MARCHF1: variants seen among roughly 807,000 people sequenced by gnomAD.
MARCHF1 encodes the protein membrane associated ring-CH-type finger 1, also known as E3 ubiquitin-protein ligase MARCHF1.
MARCHF1 carries 40 observed loss-of-function variants against 54.2 expected under a neutral mutation model. That is an observed-to-expected ratio of 0.74 (90% confidence interval 0.57 to 0.96). The LOEUF is 0.96. MARCHF1 is among the 40% of genes least tolerant of loss of function. The pLI is 0.00. For synonymous variants in MARCHF1, 236 were observed against 236.3 expected (o/e 1.00, Z 0.01); for missense variants, 586 against 656.5 (o/e 0.89, Z 1.17).
intron 2 of MARCHF1, among the ~76,000 whole-genome samples, chr4:164,017,211 C>A (rs939568783): frequency 2.6e-5 from 4 of 151,964 alleles, no homozygotes; most frequent in African/African-American, 9.7e-5. Flanking sequence ...TGAAAAACAT[C>A]ACACTTAATG....
At chr4:164,054,181 C>CCAT (rs1230074289) in intron 2 of MARCHF1, among the ~76,000 whole-genome samples, 3 of 151,526 alleles carry the variant, frequency 2.0e-5, no homozygotes, top group African/African-American at 7.3e-5. Flanking sequence ...AAAATGCTCA[C>CCAT]CATCACTGGC....
At chr4:164,066,180 GAA>G (rs34734390) in intron 2 of MARCHF1, among the ~76,000 whole-genome samples, 2,104 of 151,118 alleles carry the variant, frequency 0.014, 30 homozygotes, top group African/African-American at 0.044. Context: ...AAACTTGCAA[GAA>G]AAAAAAAACT....
chr4:164,140,651 C>G (rs998503303), intron 1 of MARCHF1, among the ~76,000 whole-genome samples: 2 of 152,170 alleles, frequency 1.3e-5, no homozygotes, highest in Admixed American at 6.5e-5. Flanking sequence ...CAGCACCCAA[C>G]TAAAGTCTTC....
At chr4:164,316,983 T>C (rs1054283275) in intron 1 of MARCHF1, among the ~76,000 whole-genome samples, 2 of 152,190 alleles carry the variant, frequency 1.3e-5, no homozygotes, top group Admixed American at 1.3e-4. Context: ...ATGAGCCAAT[T>C]AAGCCTCTTT....
chr4:164,369,186 C>T (rs550214906), intron 1 of MARCHF1, among the ~76,000 whole-genome samples: 177 of 152,258 alleles, frequency 1.2e-3, no homozygotes, highest in African/African-American at 4.1e-3. Context: ...CACGGCCAGA[C>T]GCTTCCCACT....
intron 5 of MARCHF1, among the ~76,000 whole-genome samples, chr4:163,632,933 C>T (rs1579134524): frequency 6.6e-6 from 1 of 152,102 alleles, no homozygotes; most frequent in African/African-American, 2.4e-5. Flanking sequence ...AAGTGGGTAC[C>T]TGACCCCTGA....
At chr4:164,247,763 T>A (rs2111234133) in intron 1 of MARCHF1, among the ~76,000 whole-genome samples, 1 of 150,094 alleles carries the variant, frequency 6.7e-6, no homozygotes, top group East Asian at 2.0e-4. Flanking sequence ...GTAACTGAGA[T>A]CTTATCCAAC....
intron 1 of MARCHF1, among the ~76,000 whole-genome samples, chr4:164,319,934 A>C (rs543242650): frequency 1.3e-5 from 2 of 152,308 alleles, no homozygotes; most frequent in Non-Finnish European, 2.9e-5. Context: ...AAGCCCAAGC[A>C]GTTTATGGTA....
At chr4:163,873,199 CTG>C (rs1750216368) in intron 3 of MARCHF1, among the ~76,000 whole-genome samples, 1 of 152,200 alleles carries the variant, frequency 6.6e-6, no homozygotes, top group South Asian at 2.1e-4. Flanking sequence ...ACTGGTAAAA[CTG>C]GAGCCTAAGT....
intron 5 of MARCHF1, among the ~76,000 whole-genome samples, chr4:163,696,027 T>C (rs972307084): frequency 6.6e-6 from 1 of 152,112 alleles, no homozygotes; most frequent in African/African-American, 2.4e-5. Flanking sequence ...ATATAACTTA[T>C]CTGTAGCTTT....
At chr4:163,708,822 G>A (rs979661184) in intron 4 of MARCHF1, among the ~76,000 whole-genome samples, 2 of 152,106 alleles carry the variant, frequency 1.3e-5, no homozygotes, top group African/African-American at 4.8e-5. Flanking sequence ...GAAAAGAGAG[G>A]AGATGGAGGG....
rs143182375 is a variant in MARCHF1, at chr4:164,037,657, C to T, written c.-247-48948G>A. 7.0e-3 allele frequency among the ~76,000 whole-genome samples: 1,071 copies of T among 152,268 alleles called. 10 individuals carry two copies. Among genetic ancestry groups the T allele is most frequent in the East Asian group, 0.023 (121 of 5,176 alleles). ...CACCACTCTTTAAGTGTGGGCTGTG[C>T]ATGGTGACTTCAATCCAATGAGTAC... On this transcript the variant is annotated intron_variant, in intron 2 of 9. Coordinates refer to ENST00000514618, the MANE Select transcript of MARCHF1 (RefSeq NM_001394959.1).
At chr4:163,655,777 G>A (rs558131985) in intron 5 of MARCHF1, among the ~76,000 whole-genome samples, 90 of 151,978 alleles carry the variant, frequency 5.9e-4, no homozygotes, top group South Asian at 1.9e-3. Flanking sequence ...CAACTACATC[G>A]AAATTGAACA....
intron 4 of MARCHF1, among the ~76,000 whole-genome samples, chr4:163,733,286 C>G (rs1348617536): frequency 8.3e-6 from 1 of 120,542 alleles, no homozygotes; most frequent in East Asian, 2.3e-4. Context: ...CAGACACATA[C>G]ACACACACAC....
chr4:164,028,331 T>A (rs1753812083), intron 2 of MARCHF1, among the ~76,000 whole-genome samples: 1 of 152,192 alleles, frequency 6.6e-6, no homozygotes, highest in Non-Finnish European at 1.5e-5. Context: ...TATGTGCTCA[T>A]CAGTGGTGGA....
intron 1 of MARCHF1, among the ~76,000 whole-genome samples, chr4:164,337,847 CT>C (rs1266624058): frequency 1.3e-5 from 2 of 152,136 alleles, no homozygotes; most frequent in African/African-American, 4.8e-5. Context: ...AAATGAAAGA[CT>C]ATCAGCACTT....
chr4:163,892,465 G>A (rs1217341529), intron 3 of MARCHF1, among the ~76,000 whole-genome samples: 1 of 151,898 alleles, frequency 6.6e-6, no homozygotes. Context: ...AATGCTGCTT[G>A]AGTTAGAGAG....
intron 3 of MARCHF1, among the ~76,000 whole-genome samples, chr4:163,930,334 G>T (rs2111391498): frequency 6.6e-6 from 1 of 151,956 alleles, no homozygotes; most frequent in South Asian, 2.1e-4. Flanking sequence ...GGAACCAACA[G>T]ATCATTGCTG....
chr4:163,968,247 C>T (rs949400602), intron 3 of MARCHF1, among the ~76,000 whole-genome samples: 1 of 151,276 alleles, frequency 6.6e-6, no homozygotes, highest in African/African-American at 2.4e-5. Context: ...TACTAAAGTA[C>T]CCAGGAGAAA....
Sources: gnomAD v4.1 joint callset for allele counts (sites outside exome capture counted in the v4.1 genomes callset) on GRCh38, gnomAD v4.1.1 for gene constraint, MANE v1.5 for transcripts, NCBI Gene and HGNC (gene_info 2026-07-23, HGNC 2026-07-21) for gene names.